CTNNA3: variants seen among roughly 807,000 people sequenced by gnomAD.
CTNNA3 encodes the protein catenin alpha 3.
Under a neutral mutation model 95.7 loss-of-function variants are expected in CTNNA3, and 76 were observed. The ratio of observed to expected loss-of-function variants is 0.79; its 90% CI spans 0.66 to 0.96. CTNNA3 has a LOEUF of 0.96. CTNNA3 is among the 40% of genes least tolerant of loss of function. The pLI is 0.00. For missense variants in CTNNA3, 1,191 were observed against 1,089.8 expected (o/e 1.09, Z -1.31); for synonymous variants, 431 against 374.4 (o/e 1.15, Z -1.74).
chr10:65,956,140 T>C (rs2077725081), intron 17 of CTNNA3, among the ~76,000 whole-genome samples: 1 of 152,180 alleles, frequency 6.6e-6, no homozygotes, highest in Non-Finnish European at 1.5e-5. Context: ...TCCAGCAATT[T>C]ATTCATTTCT....
chr10:67,640,429 C>G (rs564535253), intron 2 of CTNNA3, among the ~76,000 whole-genome samples: 12 of 152,226 alleles, frequency 7.9e-5, no homozygotes, highest in African/African-American at 2.4e-4. Context: ...GCCATACTGC[C>G]CAAGGTAATT....
At position 66,424,212 on chromosome 10, in the gene CTNNA3, A is replaced by G. The variant is rs190295041; in HGVS notation, c.1532-44860T>C. ...TCCCTGTATTAAAAAAAAATTATTC[A>G]GTCCTGCAAGGGCTTTGTTTATTTT... On this transcript the variant is annotated intron_variant, in intron 11 of 17. Transcript: ENST00000433211. Among the ~76,000 whole-genome samples the G allele has an allele frequency of 3.9e-3, 601 of 152,198 alleles. 3 individuals carry two copies. Among genetic ancestry groups the G allele is most frequent in the African/African-American group, 0.014 (580 of 41,558 alleles).
At chr10:66,178,374 AC>A (rs1173707330) in intron 13 of CTNNA3, among the ~76,000 whole-genome samples, 1 of 142,788 alleles carries the variant, frequency 7.0e-6, no homozygotes, top group East Asian at 2.0e-4. Context: ...ATTAAGTACA[AC>A]ATACAACTAC....
intron 12 of CTNNA3, among the ~76,000 whole-genome samples, chr10:66,315,402 A>G (rs2092087477): frequency 6.6e-6 from 1 of 151,942 alleles, no homozygotes; most frequent in Non-Finnish European, 1.5e-5. Flanking sequence ...TCTTATACCC[A>G]TTTTATGAAC....
intron 11 of CTNNA3, among the ~76,000 whole-genome samples, chr10:66,504,163 T>C (rs1452116193): frequency 6.6e-6 from 1 of 152,142 alleles, no homozygotes; most frequent in African/African-American, 2.4e-5. Flanking sequence ...ATTCCTCCCA[T>C]TTAACTGAAA....
At chr10:67,639,951 C>T (rs1472729205) in intron 2 of CTNNA3, among the ~76,000 whole-genome samples, 1 of 152,144 alleles carries the variant, frequency 6.6e-6, no homozygotes, top group African/African-American at 2.4e-5. Context: ...TGGCACAAGT[C>T]AGGGATGCCC....
At chr10:66,410,512 C>T (rs1044689934) in intron 11 of CTNNA3, among the ~76,000 whole-genome samples, 1 of 152,134 alleles carries the variant, frequency 6.6e-6, no homozygotes, top group Admixed American at 6.5e-5. Context: ...TGGCCCCACG[C>T]TTTTATCATG....
At chr10:67,019,633 A>G (rs1055954180) in intron 7 of CTNNA3, among the ~76,000 whole-genome samples, 2 of 152,256 alleles carry the variant, frequency 1.3e-5, no homozygotes, top group African/African-American at 4.8e-5. Context: ...TCCAGGTTAC[A>G]CAGTGTGAGT....
At chr10:66,326,992 T>C (rs774017544) in intron 12 of CTNNA3, among the ~76,000 whole-genome samples, 5 of 152,084 alleles carry the variant, frequency 3.3e-5, no homozygotes, top group South Asian at 2.1e-4. Flanking sequence ...GTCAAACAGT[T>C]AGGCAGCTAA....
intron 11 of CTNNA3, among the ~76,000 whole-genome samples, chr10:66,408,673 T>C (rs1162110117): frequency 1.3e-5 from 2 of 152,156 alleles, no homozygotes. Flanking sequence ...ATACTCTTAC[T>C]CTTTAGTGAA....
At chr10:66,404,692 C>A (rs2093044160) in intron 11 of CTNNA3, among the ~76,000 whole-genome samples, 1 of 152,120 alleles carries the variant, frequency 6.6e-6, no homozygotes, top group Non-Finnish European at 1.5e-5. Context: ...CTCCAACCTG[C>A]AGCCCTGTGG....
chr10:67,362,819 C>T (rs1005403835), intron 5 of CTNNA3, among the ~76,000 whole-genome samples: 4 of 151,948 alleles, frequency 2.6e-5, no homozygotes, highest in Non-Finnish European at 5.9e-5. Flanking sequence ...ATCAAACTCT[C>T]TCTCTTCAGA....
In CTNNA3 at chr10:66,437,984, G is replaced by A. The variant is rs575021734; in HGVS notation, c.1532-58632C>T. On this transcript the variant is annotated intron_variant, in intron 11 of 17. Transcript: ENST00000433211. ...TTCTGCAGGTCTGCTGGAGTTTGCT[G>A]GAGGTCCACTCCAGACCGTTTGCCT... 2.4e-4 allele frequency among the ~76,000 whole-genome samples: 36 copies of A among 152,296 alleles called. 1 individual carries two copies. In the South Asian group the frequency reaches 5.8e-3, roughly 25 times the overall value.
intron 1 of CTNNA3, chr10:67,750,735 G>A (rs1841402599): frequency 1.9e-6 from 3 of 1,584,652 alleles, no homozygotes; most frequent in Non-Finnish European, 2.6e-6. Context: ...TGGTGGATGA[G>A]GGGCTGGTGA....
intron 3 of CTNNA3, among the ~76,000 whole-genome samples, chr10:67,574,016 T>A (rs1842059538): frequency 6.6e-6 from 1 of 152,218 alleles, no homozygotes; most frequent in Non-Finnish European, 1.5e-5. Context: ...ATTGATAATT[T>A]TCCAGGAGTT....
chr10:66,830,009 G>A (rs1842660957), intron 7 of CTNNA3, among the ~76,000 whole-genome samples: 1 of 145,332 alleles, frequency 6.9e-6, no homozygotes, highest in Non-Finnish European at 1.5e-5. Flanking sequence ...GGGACCACAG[G>A]CGCCCTCCCA....
chr10:67,742,018 A>T (rs1329189777), intron 1 of CTNNA3, among the ~76,000 whole-genome samples: 1 of 151,208 alleles, frequency 6.6e-6, no homozygotes, highest in Non-Finnish European at 1.5e-5. Context: ...AAGTCCTTAG[A>T]GACCTACAAA....
At chr10:66,151,990 T>C (rs2084225774) in intron 13 of CTNNA3, among the ~76,000 whole-genome samples, 1 of 152,016 alleles carries the variant, frequency 6.6e-6, no homozygotes, top group Non-Finnish European at 1.5e-5. Context: ...AGGAGTCCTA[T>C]AAATCATCAT....
intron 5 of CTNNA3, among the ~76,000 whole-genome samples, chr10:67,408,031 C>A (rs941911839): frequency 1.1e-4 from 17 of 151,956 alleles, no homozygotes; most frequent in Non-Finnish European, 1.5e-4. Flanking sequence ...ATAGAGCTAA[C>A]ACGGAAGTGA....
Sources: allele counts gnomAD v4.1 joint callset (sites outside exome capture counted in the v4.1 genomes callset), GRCh38; gene constraint gnomAD v4.1.1; transcripts MANE v1.5; gene names NCBI Gene and HGNC (gene_info 2026-07-23, HGNC 2026-07-21).